HCRTR2: variants seen among roughly 807,000 people sequenced by gnomAD.
HCRTR2 encodes the protein orexin receptor type 2.
A neutral mutation model predicts 49.0 loss-of-function variants in HCRTR2; 22 were observed. The ratio of observed to expected loss-of-function variants is 0.45; its 90% confidence interval spans 0.32 to 0.64. The LOEUF (loss-of-function observed/expected upper bound fraction) is 0.64. HCRTR2 is among the 30% of genes least tolerant of loss of function. The pLI is 0.04. For missense variants in HCRTR2, 491 were observed against 559.4 expected, an observed-to-expected ratio of 0.88 and a Z score of 1.23; for synonymous variants, 236 against 205.3, an observed-to-expected ratio of 1.15 and a Z score of -1.28.
intron 1 of HCRTR2, among the ~76,000 whole-genome samples, chr6:55,146,643 A>G (rs1764584507): frequency 6.6e-6 from 1 of 150,738 alleles, no homozygotes; most frequent in African/African-American, 2.4e-5. Context: ...GTTTGATGCC[A>G]ATGTATTTGT....
chr6:55,172,973 C>T (rs1300934772), upstream of HCRTR2, among the ~76,000 whole-genome samples: 1 of 152,120 alleles, frequency 6.6e-6, no homozygotes, highest in African/African-American at 2.4e-5. Flanking sequence ...ATTGTTACTT[C>T]CTCCCAGTTA....
At chr6:55,111,922 G>A (rs940146236) in intron 1 of HCRTR2, among the ~76,000 whole-genome samples, 1 of 151,874 alleles carries the variant, frequency 6.6e-6, no homozygotes, top group Non-Finnish European at 1.5e-5. Flanking sequence ...GAATTCAAAA[G>A]CATATCAAAA....
intron 1 of HCRTR2, among the ~76,000 whole-genome samples, chr6:55,210,378 C>T (rs2127291309): frequency 6.6e-6 from 1 of 152,078 alleles, no homozygotes. Context: ...GAATAGGTGG[C>T]CTGCAGACAC....
intron 1 of HCRTR2, among the ~76,000 whole-genome samples, chr6:55,189,540 A>G (rs1411261141): frequency 2.6e-5 from 4 of 152,346 alleles, no homozygotes; most frequent in Non-Finnish European, 5.9e-5. Flanking sequence ...TAACATGGGA[A>G]CATAAAACTA....
chr6:55,255,698 T>A (rs1313636511), intron 3 of HCRTR2, among the ~76,000 whole-genome samples: 1 of 152,178 alleles, frequency 6.6e-6, no homozygotes, highest in Non-Finnish European at 1.5e-5. Context: ...CAATATGGAA[T>A]ACAAATCCGA....
intron 2 of HCRTR2, among the ~76,000 whole-genome samples, chr6:55,254,185 C>A (rs1039937809): frequency 6.6e-6 from 1 of 151,498 alleles, no homozygotes; most frequent in African/African-American, 2.4e-5. Context: ...GCAAATTAAG[C>A]AAATAATTTA....
At chr6:55,203,750 G>A (rs1765551597) in intron 1 of HCRTR2, among the ~76,000 whole-genome samples, 1 of 152,106 alleles carries the variant, frequency 6.6e-6, no homozygotes, top group Non-Finnish European at 1.5e-5. Context: ...CAAAAGCCCT[G>A]ATGTAGATGC....
At chr6:55,283,460 T>G (rs1767234239), downstream of HCRTR2, among the ~76,000 whole-genome samples, 1 of 152,146 alleles carries the variant, frequency 6.6e-6, no homozygotes, top group Non-Finnish European at 1.5e-5. Flanking sequence ...ACAATGACAG[T>G]TGATGTCAGT....
intron 4 of HCRTR2, among the ~76,000 whole-genome samples, chr6:55,274,713 T>A (rs1767044974): frequency 6.6e-6 from 1 of 152,284 alleles, no homozygotes; most frequent in South Asian, 2.1e-4. Flanking sequence ...AATGGTATTA[T>A]CCTATTTATA....
At chr6:55,282,732 C>T (rs1767222010), downstream of HCRTR2, 1 of 403,532 alleles carries the variant, frequency 2.5e-6, no homozygotes. Flanking sequence ...AATGTTTAAA[C>T]ATTTCTAATT....
At chr6:55,131,385 T>C (rs1764353061) in intron 1 of HCRTR2, among the ~76,000 whole-genome samples, 1 of 151,830 alleles carries the variant, frequency 6.6e-6, no homozygotes, top group Non-Finnish European at 1.5e-5. Context: ...TAGATGTTCC[T>C]CAGAAGGTCC....
intron 2 of HCRTR2, among the ~76,000 whole-genome samples, chr6:55,251,801 C>A (rs932039772): frequency 1.3e-5 from 2 of 151,864 alleles, no homozygotes; most frequent in African/African-American, 2.4e-5. Flanking sequence ...TTATCCTGTG[C>A]GAAGGGTGCC....
intron 1 of HCRTR2, among the ~76,000 whole-genome samples, chr6:55,152,276 A>G (rs760755590): frequency 2.0e-5 from 3 of 151,914 alleles, no homozygotes; most frequent in Non-Finnish European, 4.4e-5. Flanking sequence ...ATCCTAACAC[A>G]TGTGACGTAA....
Position 55,174,619 on chromosome 6 carries a change from C to T in HCRTR2, c.32C>T (p.Pro11Leu), listed in dbSNP as rs1280067311. MSGTKLEDSP[P>L]CRNWSSASEL... The stretch of plus-strand genomic sequence containing the variant: ...GGCACCAAATTGGAGGACTCCCCCC[C>T]TTGTCGCAACTGGTCATCTGCTTCG... The change falls in exon 1 of 7, where the codon CCT (proline) becomes CTT (leucine). Residue 11 changes from proline (P) to leucine (L), a missense_variant. Physicochemically the swap from Pro to Leu is moderately conservative, Grantham distance 98. Coordinates refer to ENST00000370862, the MANE Select transcript of HCRTR2 (RefSeq NM_001384272.1). 1.2e-6 allele frequency: 2 copies of T among 1,613,980 alleles called. No individual in the cohort carries two copies. Among genetic ancestry groups the T allele is most frequent in the Middle Eastern group, 1.6e-4 (1 of 6,084 alleles).
At chr6:55,187,411 C>CAAAAAAAAAAAAAA (rs57619664) in intron 1 of HCRTR2, among the ~76,000 whole-genome samples, 2 of 98,426 alleles carry the variant, frequency 2.0e-5, no homozygotes, top group Non-Finnish European at 4.0e-5. Flanking sequence ...GACTCCGTCT[C>CAAAAAAAAAAAAAA]AAAAAAAAAA....
chr6:55,118,993 T>G (rs1764158228), intron 1 of HCRTR2, among the ~76,000 whole-genome samples: 1 of 151,942 alleles, frequency 6.6e-6, no homozygotes, highest in South Asian at 2.1e-4. Context: ...TGTGTTCATG[T>G]GTTCTCCTTG....
Position 55,165,744 on chromosome 6 carries a change from AATAT to A in HCRTR2, c.-377-8425_-377-8422del, listed in dbSNP as rs56655240. 1.2e-3 allele frequency among the ~76,000 whole-genome samples: 158 copies of A among 128,434 alleles called. 1 individual carries two copies. Among genetic ancestry groups the A allele is most frequent in the African/African-American group, 4.2e-3 (135 of 32,434 alleles). 84.3% of individuals were successfully genotyped at this position (128,434 alleles called of 152,430 possible). On this transcript the variant is annotated intron_variant, in intron 1 of 7. Coordinates refer to the HCRTR2 transcript ENST00000615358. ...TATTTGTTAAGGGATTAGTATACAG[AATAT>A]ATATATATATATATATATATATATA...
chr6:55,184,300 G>A (rs1258170405), intron 1 of HCRTR2, among the ~76,000 whole-genome samples: 1 of 152,084 alleles, frequency 6.6e-6, no homozygotes, highest in Non-Finnish European at 1.5e-5. Flanking sequence ...CATGCCATAG[G>A]TCTATTAATA....
Position 55,114,535 on chromosome 6 carries a change from A to C in HCRTR2, c.-378+7990A>C, listed in dbSNP as rs973447798. 2.0e-5 allele frequency among the ~76,000 whole-genome samples: 3 copies of C among 151,764 alleles called. No homozygotes were observed. In the Admixed American group the frequency reaches 2.0e-4, roughly 10 times the overall value. On this transcript the variant is annotated intron_variant, in intron 1 of 7. Transcript: ENST00000615358. ...AAATTCCGATAACCCAGATTATCCA[A>C]ATATTTGAAAGCCATTCAGAATTTC...
Sources: gnomAD v4.1 joint callset for allele counts (sites outside exome capture counted in the v4.1 genomes callset) on GRCh38, gnomAD v4.1.1 for gene constraint, MANE v1.5 for transcripts, NCBI Gene and HGNC (gene_info 2026-07-23, HGNC 2026-07-21) for gene names.